LAMA2: variants seen among roughly 807,000 people sequenced by gnomAD.
The protein encoded by LAMA2 is laminin subunit alpha 2.
A neutral mutation model predicts 364.8 loss-of-function variants in LAMA2; 269 were observed. The observed-to-expected ratio is 0.74, with a 90% CI of 0.67 to 0.82. LAMA2 has a LOEUF of 0.82. Among genes scored for constraint, LAMA2 ranks in the 40% least tolerant of loss-of-function variants. LAMA2 has a pLI of 0.00. For missense variants in LAMA2, 3,807 were observed against 3,873.2 expected, an observed-to-expected ratio of 0.98 and a Z score of 0.45; for synonymous variants, 1,379 against 1,370.6, an observed-to-expected ratio of 1.01 and a Z score of -0.14.
At chr6:129,137,434 T>C (rs1018256676) in intron 4 of LAMA2, among the ~76,000 whole-genome samples, 14 of 152,072 alleles carry the variant, frequency 9.2e-5, no homozygotes, top group African/African-American at 3.1e-4. Flanking sequence ...TCTGCTAGTA[T>C]ACTAAAAAAT....
chr6:129,402,362 T>G lies in LAMA2; in HGVS notation c.5601T>G (p.Ser1867=), dbSNP rs780368037. ...EDIQTKLPPM[S]EELNDKIDDL... ...TCCAAACTAAATTGCCACCTATGTC[T>G]GAGGAGCTTAATGATAAAATAGATG... Residue 1867 remains serine (S), a synonymous_variant, in exon 39 of 65, where the codon TCT becomes TCG. Coordinates refer to ENST00000421865, the MANE Select transcript of LAMA2 (RefSeq NM_000426.4). 20 of 1,613,954 alleles carry G rather than the reference T, an allele frequency of 1.2e-5. No homozygotes were observed. The African/African-American group carries it at 1.7e-4, about 14-fold the overall frequency.
chr6:129,342,614 A>T, intron 30 of LAMA2, 147 bp downstream of exon 30: 1 of 718,272 alleles, frequency 1.4e-6, no homozygotes, highest in Non-Finnish European at 2.2e-6. Flanking sequence ...AAACATGACA[A>T]AAGTGAGTAT....
At chr6:129,453,763 G>A (rs1782807966) in intron 46 of LAMA2, among the ~76,000 whole-genome samples, 1 of 152,024 alleles carries the variant, frequency 6.6e-6, no homozygotes, top group African/African-American at 2.4e-5. Flanking sequence ...GTCAATTTGG[G>A]AAATAAAATC....
At chr6:129,186,588 T>C (rs1781242586) in intron 10 of LAMA2, among the ~76,000 whole-genome samples, 1 of 151,806 alleles carries the variant, frequency 6.6e-6, no homozygotes, top group Non-Finnish European at 1.5e-5. Context: ...CAGTAGCCTA[T>C]TTTAATCTTG....
In LAMA2 at chr6:129,033,914, A is replaced by C. The variant is rs1261719179; in HGVS notation, c.113-16004A>C. On this transcript the variant is annotated intron_variant, in intron 1 of 64. Coordinates refer to ENST00000421865, the MANE Select transcript of LAMA2 (RefSeq NM_000426.4). ...CTATGGGTTTTTTTTTTTTCTCATAATGATTCTGAAAGCCTTTGGGATGAT... is the reference window on the plus strand; with the variant it reads ...CTATGGGTTTTTTTTTTTTCTCATACTGATTCTGAAAGCCTTTGGGATGAT... 6.1e-5 allele frequency among the ~76,000 whole-genome samples: 9 copies of C among 148,562 alleles called. No homozygotes were observed. In the South Asian group the frequency reaches 1.9e-3, roughly 31 times the overall value.
At chr6:129,352,896 A>T (rs1776932755) in intron 31 of LAMA2, among the ~76,000 whole-genome samples, 1 of 121,584 alleles carries the variant, frequency 8.2e-6, no homozygotes, top group Admixed American at 9.2e-5. Context: ...GTAATTTAAC[A>T]TTATTATTAT....
intron 34 of LAMA2, among the ~76,000 whole-genome samples, chr6:129,371,849 C>T (rs796212169): frequency 1.4e-4 from 21 of 152,042 alleles, no homozygotes; most frequent in African/African-American, 3.6e-4. Context: ...CCTTGTGATT[C>T]GCCTGCCTTG....
chr6:129,495,864 T>G (rs1156938391), intron 58 of LAMA2, among the ~76,000 whole-genome samples: 1 of 152,186 alleles, frequency 6.6e-6, no homozygotes, highest in African/African-American at 2.4e-5. Context: ...TGTTCTAATT[T>G]CGATTTCCAT....
intron 23 of LAMA2, among the ~76,000 whole-genome samples, chr6:129,313,461 AAAT>A (rs1443186579): frequency 6.6e-6 from 1 of 152,192 alleles, no homozygotes; most frequent in Non-Finnish European, 1.5e-5. Context: ...AATCACAGCT[AAAT>A]AATAAGGCTT....
intron 1 of LAMA2, among the ~76,000 whole-genome samples, chr6:128,983,684 G>A (rs892210505): frequency 6.6e-6 from 1 of 152,192 alleles, no homozygotes. Context: ...TCCCTGACAT[G>A]GGTAACAGCT....
intron 12 of LAMA2, among the ~76,000 whole-genome samples, chr6:129,247,994 G>A (rs531910233): frequency 3.9e-5 from 6 of 152,126 alleles, no homozygotes; most frequent in East Asian, 1.9e-4. Context: ...CCCAACTCCC[G>A]GGCTATACAG....
At chr6:129,375,293 A>G (rs1333680494) in intron 34 of LAMA2, among the ~76,000 whole-genome samples, 2 of 152,016 alleles carry the variant, frequency 1.3e-5, no homozygotes, top group African/African-American at 2.4e-5. Context: ...ACTGCCCTAC[A>G]GTATGTGTGA....
At chr6:129,447,583 A>T (rs1486421336) in intron 45 of LAMA2, among the ~76,000 whole-genome samples, 3 of 152,258 alleles carry the variant, frequency 2.0e-5, no homozygotes, top group African/African-American at 7.2e-5. Context: ...TTCATTTAAC[A>T]ACACTGGTAC....
At chr6:129,482,042 A>G (rs1784374170) in intron 55 of LAMA2, among the ~76,000 whole-genome samples, 1 of 152,210 alleles carries the variant, frequency 6.6e-6, no homozygotes, top group Non-Finnish European at 1.5e-5. Context: ...GTAGTGGCCC[A>G]TGTCTGTAAT....
intron 10 of LAMA2, among the ~76,000 whole-genome samples, chr6:129,178,324 A>G (rs1343612312): frequency 6.6e-6 from 1 of 152,204 alleles, no homozygotes; most frequent in East Asian, 1.9e-4. Flanking sequence ...TTTCTGTTCA[A>G]TTATAAAAAA....
intron 14 of LAMA2, among the ~76,000 whole-genome samples, chr6:129,258,355 C>T (rs555190264): frequency 5.1e-4 from 78 of 152,110 alleles, no homozygotes; most frequent in South Asian, 1.0e-3. Context: ...AAATATTCAT[C>T]AACTGATGAA....
rs1306473088 is a variant in LAMA2 at position 129,252,074 on chromosome 6, C to T, written c.1885-10C>T. 1.9e-6 allele frequency: 3 copies of T among 1,589,030 alleles called. No homozygotes were observed. The highest frequency in any genetic ancestry group is 2.6e-6 in the Non-Finnish European group (3 of 1,159,952). Reference sequence around the variant, plus strand: ...TTACTCTTTTTTATTTCTTTTTTTTCCCCCTTTAGGGTAATGACTTGAGCA... The same window carrying T: ...TTACTCTTTTTTATTTCTTTTTTTTTCCCCTTTAGGGTAATGACTTGAGCA... On this transcript the variant is annotated splice_polypyrimidine_tract_variant and intron_variant, in intron 13 of 64. Coordinates refer to ENST00000421865, the MANE Select transcript of LAMA2 (RefSeq NM_000426.4).
intron 55 of LAMA2, among the ~76,000 whole-genome samples, chr6:129,481,786 A>C (rs953064371): frequency 2.0e-4 from 30 of 152,182 alleles, no homozygotes; most frequent in Non-Finnish European, 4.4e-5. Context: ...TCCTTACCAA[A>C]TCTGTAGACA....
intron 1 of LAMA2, among the ~76,000 whole-genome samples, chr6:128,923,489 G>C (rs1582687965): frequency 6.6e-6 from 1 of 151,142 alleles, no homozygotes; most frequent in African/African-American, 2.4e-5. Context: ...CCTAGTTTGT[G>C]GTCATTTATT....
Sources: gnomAD v4.1 joint callset for allele counts (sites outside exome capture counted in the v4.1 genomes callset) on GRCh38, gnomAD v4.1.1 for gene constraint, MANE v1.5 for transcripts, NCBI Gene and HGNC (gene_info 2026-07-23, HGNC 2026-07-21) for gene names.